The following FGF14 variants were observed in gnomAD, a reference collection of about 807,000 sequenced individuals.
FGF14 encodes fibroblast growth factor homologous factor 4.
Under a neutral mutation model 25.5 loss-of-function variants are expected in FGF14, and 5 were observed. That is an observed-to-expected ratio of 0.20 (90% CI 0.10 to 0.41). The LOEUF (loss-of-function observed/expected upper bound fraction) is 0.41, where lower values mean the gene tolerates loss of function less well. FGF14 is among the 10% of genes least tolerant of loss of function. FGF14 has a pLI of 1.00. For missense variants in FGF14, 222 were observed against 320.1 expected (o/e 0.69, Z 2.34); for synonymous variants, 138 against 118.3 (o/e 1.17, Z -1.08).
At chr13:102,175,534 T>C (rs1199825227) in intron 1 of FGF14, among the ~76,000 whole-genome samples, 1 of 152,036 alleles carries the variant, frequency 6.6e-6, no homozygotes, top group East Asian at 1.9e-4. Context: ...TTTAGGACTA[T>C]ATCCTCAAAA....
At chr13:102,304,425 T>C (rs552433170) in intron 1 of FGF14, among the ~76,000 whole-genome samples, 3 of 152,278 alleles carry the variant, frequency 2.0e-5, no homozygotes, top group Non-Finnish European at 4.4e-5. Flanking sequence ...GGGTTCTCTA[T>C]TCAACCCTAA....
At chr13:102,114,301 T>C (rs2045363603) in intron 1 of FGF14, among the ~76,000 whole-genome samples, 1 of 152,216 alleles carries the variant, frequency 6.6e-6, no homozygotes, top group African/African-American at 2.4e-5. Context: ...TTATATATTT[T>C]AGAGATCAAC....
At chr13:101,830,136 T>C (rs2042595732) in intron 3 of FGF14, among the ~76,000 whole-genome samples, 1 of 152,106 alleles carries the variant, frequency 6.6e-6, no homozygotes. Flanking sequence ...GTTGCAGTGC[T>C]TTAAATGAAA....
chr13:101,944,946 A>G (rs992529046), intron 1 of FGF14, among the ~76,000 whole-genome samples: 1 of 152,186 alleles, frequency 6.6e-6, no homozygotes, highest in Non-Finnish European at 1.5e-5. Context: ...AACATGAAGA[A>G]AAGTTCTAGA....
At chr13:102,209,388 C>G (rs1489057533) in intron 1 of FGF14, among the ~76,000 whole-genome samples, 1 of 152,214 alleles carries the variant, frequency 6.6e-6, no homozygotes, top group Non-Finnish European at 1.5e-5. Flanking sequence ...CTGTTGGTGT[C>G]TGAAGCTGAG....
At chr13:102,119,087 G>A (rs1036695964) in intron 1 of FGF14, among the ~76,000 whole-genome samples, 1 of 152,134 alleles carries the variant, frequency 6.6e-6, no homozygotes, top group African/African-American at 2.4e-5. Context: ...ATCAACTTGA[G>A]TATCAATAAT....
chr13:101,885,313 C>G (rs2045933311), intron 1 of FGF14, among the ~76,000 whole-genome samples: 1 of 152,078 alleles, frequency 6.6e-6, no homozygotes, highest in Non-Finnish European at 1.5e-5. Context: ...CCTAATTTAA[C>G]AAGCAATCCC....
intron 1 of FGF14, chr13:102,293,395 T>C (rs1272998844): frequency 1.3e-5 from 2 of 152,178 alleles, no homozygotes; most frequent in Non-Finnish European, 2.9e-5. Context: ...GGAGAATACA[T>C]ATTTTCACTC....
intron 1 of FGF14, among the ~76,000 whole-genome samples, chr13:102,370,942 A>G (rs574285953): frequency 2.0e-4 from 31 of 152,064 alleles, no homozygotes; most frequent in African/African-American, 7.5e-4. Flanking sequence ...ATACCAAAAA[A>G]AAAAAAAACC....
At chr13:101,960,754 T>C (rs1433485118) in intron 1 of FGF14, among the ~76,000 whole-genome samples, 2 of 152,202 alleles carry the variant, frequency 1.3e-5, no homozygotes, top group Non-Finnish European at 2.9e-5. Flanking sequence ...TCTAGGTCTT[T>C]GGGGAATCAC....
intron 3 of FGF14, among the ~76,000 whole-genome samples, chr13:101,818,126 T>C (rs1475944617): frequency 6.6e-6 from 1 of 152,188 alleles, no homozygotes; most frequent in African/African-American, 2.4e-5. Context: ...GAGAAATACC[T>C]GCAGACACGT....
At chr13:101,991,628 C>A (rs2038911120) in intron 1 of FGF14, among the ~76,000 whole-genome samples, 1 of 152,078 alleles carries the variant, frequency 6.6e-6, no homozygotes, top group Admixed American at 6.6e-5. Flanking sequence ...AACTGCTTTT[C>A]CCAAAATGGA....
intron 1 of FGF14, among the ~76,000 whole-genome samples, chr13:101,990,117 T>C (rs1284226915): frequency 1.3e-5 from 2 of 152,146 alleles, no homozygotes; most frequent in Admixed American, 6.5e-5. Flanking sequence ...AGAAAAACTC[T>C]AATTGAATCT....
intron 1 of FGF14, among the ~76,000 whole-genome samples, chr13:101,949,644 T>C (rs1369702787): frequency 6.6e-6 from 1 of 152,174 alleles, no homozygotes; most frequent in African/African-American, 2.4e-5. Flanking sequence ...CAAATGCCTA[T>C]ATTTTCCCCA....
At chr13:102,269,436 G>A (rs1400272885) in intron 1 of FGF14, among the ~76,000 whole-genome samples, 4 of 152,204 alleles carry the variant, frequency 2.6e-5, no homozygotes, top group Non-Finnish European at 1.5e-5. Flanking sequence ...TATAAAAACA[G>A]TATTAAGAAA....
chr13:102,051,907 C>A (rs1448800787), intron 1 of FGF14, among the ~76,000 whole-genome samples: 1 of 152,018 alleles, frequency 6.6e-6, no homozygotes, highest in Non-Finnish European at 1.5e-5. Flanking sequence ...CTCTTAGTAG[C>A]TGACACAAAG....
rs1438535184 is a variant in FGF14, at chr13:102,385,978, G to T, written c.208+15493C>A. Among the ~76,000 whole-genome samples, 3 of 151,980 alleles carry T rather than the reference G, an allele frequency of 2.0e-5. No homozygotes were observed. The East Asian group carries it at 5.8e-4, about 29-fold the overall frequency. ...AGCGTTTAGGAAATAAATATGATGT[G>T]TTTTACCCGAACGTCACTTTTACAC... On this transcript the variant is annotated intron_variant, in intron 1 of 4. Transcript: ENST00000376131.
At chr13:102,302,875 A>G (rs1421790086) in intron 1 of FGF14, among the ~76,000 whole-genome samples, 2 of 152,102 alleles carry the variant, frequency 1.3e-5, no homozygotes, top group African/African-American at 4.8e-5. Flanking sequence ...CCTGCCATCT[A>G]TTCCTACACA....
rs544348663 is a variant in FGF14 at position 102,330,957 on chromosome 13, A to G, written c.208+70514T>C. On this transcript the variant is annotated intron_variant, in intron 1 of 4. Transcript: ENST00000376131. ...ATGTGTTAAATAAATTAATGAATGG[A>G]TGTGAGAGAATTATAGCATAGTGCT... 4.6e-4 allele frequency among the ~76,000 whole-genome samples: 70 copies of G among 152,346 alleles called. 2 individuals are homozygous for G. In the South Asian group the frequency reaches 0.014, roughly 30 times the overall value.
Sources: allele counts gnomAD v4.1 joint callset (sites outside exome capture counted in the v4.1 genomes callset), GRCh38; gene constraint gnomAD v4.1.1; transcripts MANE v1.5; gene names NCBI Gene and HGNC (gene_info 2026-07-23, HGNC 2026-07-21).